The following SCAPER variants were observed in gnomAD, a reference collection of about 807,000 sequenced individuals.
The protein encoded by SCAPER is S phase cyclin A-associated protein in the endoplasmic reticulum.
A neutral mutation model predicts 182.2 loss-of-function variants in SCAPER; 98 were observed. The ratio of observed to expected loss-of-function variants is 0.54; its 90% CI spans 0.46 to 0.64. The LOEUF is 0.64. Ranked by LOEUF, SCAPER falls within the 30% of genes least tolerant of loss-of-function variation. The pLI is 0.00. For synonymous variants in SCAPER, 605 were observed against 564.6 expected (o/e 1.07, Z -1.01); for missense variants, 1,432 against 1,690.0 (o/e 0.85, Z 2.68).
At chr15:76,806,241 T>A (rs931664613) in intron 5 of SCAPER, among the ~76,000 whole-genome samples, 1 of 152,228 alleles carries the variant, frequency 6.6e-6, no homozygotes, top group Non-Finnish European at 1.5e-5. Flanking sequence ...AAAATCCAAA[T>A]TCATTTGTTG....
At chr15:76,745,313 G>C (rs2061737225) in intron 15 of SCAPER, among the ~76,000 whole-genome samples, 1 of 152,130 alleles carries the variant, frequency 6.6e-6, no homozygotes, top group Admixed American at 6.5e-5. Flanking sequence ...GCCAGGCGTG[G>C]TGGCGTGTGC....
chr15:76,709,021 G>A (rs189404777), intron 17 of SCAPER, among the ~76,000 whole-genome samples: 3 of 152,056 alleles, frequency 2.0e-5, no homozygotes, highest in East Asian at 1.9e-4. Context: ...AGCTGAGAGC[G>A]CACCACTGCA....
intron 14 of SCAPER, among the ~76,000 whole-genome samples, chr15:76,764,500 A>G (rs142840630): frequency 6.6e-5 from 10 of 152,372 alleles, no homozygotes; most frequent in Non-Finnish European, 1.0e-4. Flanking sequence ...ATGGACATGG[A>G]TTGACAACAA....
intron 21 of SCAPER, among the ~76,000 whole-genome samples, chr15:76,627,562 T>C (rs1330458745): frequency 6.6e-6 from 1 of 152,160 alleles, no homozygotes; most frequent in African/African-American, 2.4e-5. Flanking sequence ...TCTGTTCCTG[T>C]GTTAGTTTGC....
chr15:76,769,654 G>A (rs1467377288), intron 10 of SCAPER, among the ~76,000 whole-genome samples: 1 of 151,968 alleles, frequency 6.6e-6, no homozygotes, highest in Non-Finnish European at 1.5e-5. Context: ...TCATTAAAAA[G>A]TCAGGAAACA....
Position 76,737,436 on chromosome 15 carries a change from C to T in SCAPER, c.1867-4052G>A, listed in dbSNP as rs564336650. 6.6e-5 allele frequency among the ~76,000 whole-genome samples: 10 copies of T among 152,340 alleles called. No individual in the cohort carries two copies. In the South Asian group the frequency reaches 2.1e-3, roughly 32 times the overall value. ...GATTTAAAATATTCAGTAAACAATG[C>T]TATAAACAGATGTGCTGTCACGCCA... On this transcript the variant is annotated intron_variant, in intron 15 of 31. Coordinates refer to ENST00000563290, the MANE Select transcript of SCAPER (RefSeq NM_020843.4).
intron 25 of SCAPER, among the ~76,000 whole-genome samples, chr15:76,443,862 G>C (rs1219283277): frequency 1.3e-5 from 2 of 152,186 alleles, no homozygotes; most frequent in East Asian, 1.9e-4. Context: ...TGATTCTGAA[G>C]ACAAAGCACA....
chr15:76,785,053 T>C (rs1007236557), intron 8 of SCAPER, among the ~76,000 whole-genome samples: 7 of 152,214 alleles, frequency 4.6e-5, no homozygotes, highest in African/African-American at 1.7e-4. Flanking sequence ...ACTAAAGAGC[T>C]TCTGCAGAGC....
chr15:76,653,185 A>AACT (rs2055321342), intron 21 of SCAPER, among the ~76,000 whole-genome samples: 1 of 152,182 alleles, frequency 6.6e-6, no homozygotes, highest in Non-Finnish European at 1.5e-5. Context: ...CTAAAAGAAC[A>AACT]ACTACAAAAC....
rs1598613444 is a variant in SCAPER at position 76,768,550 on chromosome 15, C to T, written c.1249-1462G>A. 2.0e-5 allele frequency among the ~76,000 whole-genome samples: 3 copies of T among 152,202 alleles called. No individual in the cohort carries two copies. In the East Asian group the frequency reaches 5.8e-4, roughly 29 times the overall value. On this transcript the variant is annotated intron_variant, in intron 10 of 31. Transcript: ENST00000563290. ...TGGGAGGAGTGAAAGGGAGTAACTG[C>T]TAATGGGCACTGGGTTTTCTTTTTA...
intron 1 of SCAPER, among the ~76,000 whole-genome samples, chr15:76,902,826 G>A (rs970783538): frequency 2.0e-5 from 3 of 152,198 alleles, no homozygotes; most frequent in African/African-American, 7.2e-5. Context: ...GGAGGCCGAG[G>A]TGGGTGGATC....
chr15:76,471,329 G>C lies in SCAPER; in HGVS notation c.2961C>G (p.Leu987=). The C allele has an allele frequency of 1.9e-6, 3 of 1,604,948 alleles. No homozygotes were observed. Among genetic ancestry groups the C allele is most frequent in the Non-Finnish European group, 2.5e-6 (3 of 1,176,556 alleles). The change falls in exon 25 of 32, where the codon CTC becomes CTG. Residue 987 remains leucine, a synonymous_variant. Transcript: ENST00000563290. ...NTVLRIPPKS[L]CNAINVYNLT... ...GGTTGTAAACATTGATTGCATTGCA[G>C]AGAGACCTAAAAGAAGGAGAAAAAC...
chr15:76,775,011 T>A lies in SCAPER; in HGVS notation c.879A>T (p.Arg293Ser). ...PKVSLATEAT[R>S]SKDDSDKENV... ...TTTCTTTATCACTGTCATCCTTTGA[T>A]CTTGTGGCTTCTGTTGCCAATGAAA... The change falls in exon 9 of 32, where the codon AGA becomes AGT. Residue 293 changes from arginine (R) to serine (S), a missense_variant. Physicochemically the swap from Arg to Ser is moderately radical, Grantham distance 110. Transcript: ENST00000563290. 6.2e-7 allele frequency: 1 copy of A among 1,613,878 alleles called. No individual in the cohort carries two copies. Among genetic ancestry groups the A allele is most frequent in the Non-Finnish European group, 8.5e-7 (1 of 1,179,794 alleles).
intron 4 of SCAPER, among the ~76,000 whole-genome samples, chr15:76,850,977 C>T (rs758206057): frequency 1.3e-5 from 2 of 150,836 alleles, no homozygotes; most frequent in Non-Finnish European, 3.0e-5. Context: ...TAGGACAATA[C>T]AGGAGCTAAG....
chr15:76,809,051 G>A (rs1317318815), intron 5 of SCAPER, among the ~76,000 whole-genome samples: 1 of 152,064 alleles, frequency 6.6e-6, no homozygotes, highest in South Asian at 2.1e-4. Context: ...CCCTAATCTG[G>A]GGACCACTAA....
intron 25 of SCAPER, among the ~76,000 whole-genome samples, chr15:76,465,960 T>C (rs575632397): frequency 1.8e-4 from 27 of 152,274 alleles, no homozygotes; most frequent in Non-Finnish European, 3.5e-4. Context: ...GTGTGTTCCC[T>C]AGTACACGAC....
At position 76,348,730 on chromosome 15, in the gene SCAPER, C is replaced by CATTT. The variant is rs764965311; in HGVS notation, c.4102_4105dup (p.Cys1369Ter). The CATTT allele has an allele frequency of 6.6e-7, 1 of 1,521,896 alleles. No individual in the cohort carries two copies. The highest frequency in any genetic ancestry group is 2.4e-5 in the East Asian group (1 of 41,176). The allele number at this position is 1,521,896 out of a possible 1,614,324, so 94.3% of individuals were successfully genotyped here. On this transcript the variant is annotated stop_gained and frameshift_variant, in exon 32 of 32. Transcript: ENST00000563290. LOFTEE classifies it high-confidence loss of function. ...CTCAAGATAGTCTTGGGAACCAAGGCATTTCCCTGAGAGGGGGATAAAAGA... is the reference window on the plus strand; with the variant it reads ...CTCAAGATAGTCTTGGGAACCAAGGCATTTATTTCCCTGAGAGGGGGATAAAAGA...
chr15:76,381,781 C>T (rs564122076), intron 27 of SCAPER, among the ~76,000 whole-genome samples, 166 bp from the exon 28 acceptor site: 119 of 152,338 alleles, frequency 7.8e-4, no homozygotes, highest in African/African-American at 2.7e-3. Flanking sequence ...TCCCCACCAA[C>T]TGCACTGTGG....
chr15:76,558,512 A>T (rs1348370407), intron 23 of SCAPER, among the ~76,000 whole-genome samples: 1 of 152,222 alleles, frequency 6.6e-6, no homozygotes, highest in Admixed American at 6.5e-5. Context: ...ATCATTAAAA[A>T]GTCAAAAATG....
Sources: gnomAD v4.1 joint callset for allele counts (sites outside exome capture counted in the v4.1 genomes callset) on GRCh38, gnomAD v4.1.1 for gene constraint, MANE v1.5 for transcripts, NCBI Gene and HGNC (gene_info 2026-07-23, HGNC 2026-07-21) for gene names.